ADCY5: variants seen among roughly 807,000 people sequenced by gnomAD.
ADCY5 encodes adenylate cyclase type 5.
ADCY5 carries 30 observed loss-of-function variants against 119.7 expected under a neutral mutation model. The observed-to-expected ratio is 0.25, with a 90% confidence interval of 0.19 to 0.34. The LOEUF is 0.34. Among genes scored for constraint, ADCY5 ranks in the 10% least tolerant of loss-of-function variants. The pLI, the probability that ADCY5 is intolerant of heterozygous loss-of-function variation, is 1.00. For missense variants in ADCY5, 1,324 were observed against 1,775.2 expected (o/e 0.75, Z 4.57); for synonymous variants, 753 against 762.2 (o/e 0.99, Z 0.20).
In ADCY5 at chr3:123,283,493, T is replaced by C. The variant is rs1412843039; in HGVS notation, c.*1115A>G. The C allele has an allele frequency of 6.6e-6, 1 of 151,570 alleles. No individual in the cohort carries two copies. The highest frequency in any genetic ancestry group is 1.5e-5 in the Non-Finnish European group (1 of 68,052). The allele number at this position is 151,570 out of a possible 1,614,324, so 9.4% of individuals were successfully genotyped here. On this transcript the variant is annotated 3_prime_UTR_variant, in exon 21 of 21. Transcript: ENST00000462833. ...GTGCATGTGTGTACATACGTGTGCG[T>C]GTGTCAGAAAAGATGGGGCAGTGTG... is the stretch of plus-strand genomic sequence containing the variant.
At chr3:123,319,597 G>A in intron 10 of ADCY5, 77 bp downstream of exon 10, 2 of 1,558,718 alleles carry the variant, frequency 1.3e-6, no homozygotes, top group Admixed American at 1.7e-5. Context: ...GCATGAGGGA[G>A]CCCTCCTGTT....
chr3:123,361,964 T>C (rs996096656), intron 1 of ADCY5, among the ~76,000 whole-genome samples: 8 of 152,240 alleles, frequency 5.3e-5, no homozygotes, highest in Non-Finnish European at 1.2e-4. Context: ...ATTTCAAATT[T>C]TCAGATTCAG....
chr3:123,328,562 C>T (rs541636753), intron 6 of ADCY5, 82 bp downstream of exon 6: 6 of 1,516,570 alleles, frequency 4.0e-6, no homozygotes, highest in African/African-American at 1.4e-5. Flanking sequence ...TGCCCCGCCT[C>T]GCCTCTGCAG....
At chr3:123,349,516 C>T (rs778848239) in intron 2 of ADCY5, among the ~76,000 whole-genome samples, 2 of 152,178 alleles carry the variant, frequency 1.3e-5, no homozygotes, top group Admixed American at 6.5e-5. Flanking sequence ...TGCACAGCCC[C>T]GATCTCTCTG....
chr3:123,308,026 C>CTT (rs1940296979), intron 12 of ADCY5, among the ~76,000 whole-genome samples: 1 of 113,442 alleles, frequency 8.8e-6, no homozygotes, highest in Admixed American at 9.4e-5. Context: ...TTTTTTCATG[C>CTT]TCTTTTTTTT....
At position 123,331,001 on chromosome 3, in the gene ADCY5, G is replaced by A; in HGVS notation, c.1534C>T (p.Arg512Cys). 6.2e-7 allele frequency: 1 copy of A among 1,612,418 alleles called. No individual in the cohort carries two copies. Among genetic ancestry groups the A allele is most frequent in the Non-Finnish European group, 8.5e-7 (1 of 1,179,252 alleles). ...DKLAAENHCL[R>C]IKILGDCYYC... ...TAACAATCCCCAAGGATCTTAATACGTAAACAGTGATTCTCCTGGAAAGCA... is the reference window on the plus strand; with the variant it reads ...TAACAATCCCCAAGGATCTTAATACATAAACAGTGATTCTCCTGGAAAGCA... The change falls in exon 5 of 21, where the codon CGT (arginine) becomes TGT (cysteine). Residue 512 changes from arginine (R) to cysteine (C), a missense_variant. Around this residue, in one of 6 missense-constraint regions of ADCY5, gnomAD observed 123 missense variants for 287.9 expected, o/e 0.43. Transcript: ENST00000462833.
At chr3:123,388,896 G>A (rs2107580063) in intron 1 of ADCY5, among the ~76,000 whole-genome samples, 1 of 152,296 alleles carries the variant, frequency 6.6e-6, no homozygotes, top group South Asian at 2.1e-4. Flanking sequence ...TTGGAGGAGA[G>A]AGACGTGAGA....
rs760129914 is a variant in ADCY5, at chr3:123,300,239, G to A, written c.2781C>T (p.Ile927=). 1.2e-6 allele frequency: 2 copies of A among 1,613,742 alleles called. No individual in the cohort carries two copies. The highest frequency in any genetic ancestry group is 8.5e-7 in the Non-Finnish European group (1 of 1,180,046). Residue 927 remains isoleucine (I), a synonymous_variant, in exon 15 of 21, where the codon ATC becomes ATT. Transcript: ENST00000462833. ...SLLACSVFLQ[I]SCIGKLVLML... The stretch of plus-strand genomic sequence containing the variant: ...TGAGCACCAGCTTCCCGATGCAGCT[G>A]ATCTGCAGGAACACGGAGCAGGCCA...
intron 12 of ADCY5, among the ~76,000 whole-genome samples, chr3:123,313,269 A>C (rs1940692649): frequency 6.6e-6 from 1 of 152,138 alleles, no homozygotes; most frequent in South Asian, 2.1e-4. Flanking sequence ...TAACAGACTA[A>C]TAAGGGCCCT....
chr3:123,384,533 A>G (rs116479081), intron 1 of ADCY5, among the ~76,000 whole-genome samples: 2,247 of 152,282 alleles, frequency 0.015, 49 homozygotes, highest in African/African-American at 0.051. Flanking sequence ...CCCAGGTCAC[A>G]AGGGCCGGAA....
chr3:123,294,251 G>C (rs138897131), intron 17 of ADCY5, among the ~76,000 whole-genome samples: 1 of 152,330 alleles, frequency 6.6e-6, no homozygotes, highest in Non-Finnish European at 1.5e-5. Flanking sequence ...ACTGGGCATT[G>C]CTATCGGGCA....
At chr3:123,379,414 G>A (rs889299345) in intron 1 of ADCY5, among the ~76,000 whole-genome samples, 4 of 152,126 alleles carry the variant, frequency 2.6e-5, no homozygotes, top group East Asian at 1.9e-4. Context: ...AGCTCCCCTC[G>A]AGGAATGTTT....
chr3:123,425,694 C>A (rs1035830065), intron 1 of ADCY5, among the ~76,000 whole-genome samples: 4 of 66,244 alleles, frequency 6.0e-5, no homozygotes, highest in African/African-American at 2.5e-4. Context: ...TTCAGGAGGA[C>A]CTGGCCCAGC....
chr3:123,341,509 A>G (rs1224337394), intron 3 of ADCY5, among the ~76,000 whole-genome samples: 2 of 151,944 alleles, frequency 1.3e-5, no homozygotes. Context: ...CTTAATGGGT[A>G]TACCGTTTCA....
At chr3:123,443,481 C>T (rs2107655147) in intron 1 of ADCY5, among the ~76,000 whole-genome samples, 2 of 152,292 alleles carry the variant, frequency 1.3e-5, no homozygotes, top group South Asian at 4.2e-4. Context: ...CTCACGTACA[C>T]ACATGCACCC....
At chr3:123,351,674 A>T (rs2108496014) in intron 2 of ADCY5, among the ~76,000 whole-genome samples, 1 of 152,120 alleles carries the variant, frequency 6.6e-6, no homozygotes, top group Non-Finnish European at 1.5e-5. Context: ...GAGTCACCAG[A>T]CCCCTACCTG....
chr3:123,374,104 CCT>C (rs1011818916), intron 1 of ADCY5, among the ~76,000 whole-genome samples: 7 of 152,242 alleles, frequency 4.6e-5, no homozygotes, highest in African/African-American at 1.7e-4. Flanking sequence ...ATTGCAAATG[CCT>C]CTGTCGGCCA....
chr3:123,308,865 ATC>A (rs1463642821), intron 12 of ADCY5, among the ~76,000 whole-genome samples: 2 of 152,196 alleles, frequency 1.3e-5, no homozygotes, highest in Non-Finnish European at 2.9e-5. Flanking sequence ...CAAAAAAACT[ATC>A]TGCCAGGGGC....
intron 1 of ADCY5, among the ~76,000 whole-genome samples, chr3:123,421,364 A>G (rs890900416): frequency 5.3e-5 from 8 of 152,220 alleles, no homozygotes; most frequent in African/African-American, 1.9e-4. Context: ...TCAAGGTTGT[A>G]CAGTACATGA....
Sources: allele counts gnomAD v4.1 joint callset (sites outside exome capture counted in the v4.1 genomes callset), GRCh38; gene constraint gnomAD v4.1.1; regional missense constraint gnomAD v4.1.1; transcripts MANE v1.5; gene names NCBI Gene and HGNC (gene_info 2026-07-23, HGNC 2026-07-21).